Variants in INTS2 observed in about 807,000 individuals in gnomAD.
INTS2 encodes integrator complex subunit 2, also known as KIAA1287.
INTS2 carries 57 observed loss-of-function variants against 139.6 expected under a neutral mutation model. That is an observed-to-expected ratio of 0.41 (90% CI 0.33 to 0.51). The LOEUF is 0.51. Among genes scored for constraint, INTS2 ranks in the 20% least tolerant of loss-of-function variants. INTS2 has a pLI of 0.28. For synonymous variants in INTS2, 473 were observed against 493.4 expected (o/e 0.96, Z 0.55); for missense variants, 1,196 against 1,436.7 (o/e 0.83, Z 2.71).
intron 15 of INTS2, among the ~76,000 whole-genome samples, chr17:61,888,556 T>C (rs1347380114): frequency 3.3e-5 from 4 of 120,472 alleles, no homozygotes; most frequent in Admixed American, 9.7e-5. Context: ...TGTGCGTGTG[T>C]GTGCGTGCGT....
chr17:61,924,902 C>G, intron 3 of INTS2, 59 bp downstream of exon 3: 4 of 1,529,214 alleles, frequency 2.6e-6, no homozygotes, highest in Non-Finnish European at 3.6e-6. Flanking sequence ...TTCTGTCTAC[C>G]TCCCTATACA....
intron 12 of INTS2, chr17:61,894,279 A>C (rs1004790808): frequency 2.6e-5 from 4 of 154,216 alleles, no homozygotes; most frequent in African/African-American, 7.2e-5. Context: ...TTATGGGGGG[A>C]AAATATTCTT....
Position 61,869,609 on chromosome 17 carries a change from C to T in INTS2, c.3030+128G>A. The T allele has an allele frequency of 1.7e-6, 2 of 1,166,128 alleles. No individual in the cohort carries two copies. The highest frequency in any genetic ancestry group is 2.4e-6 in the Non-Finnish European group (2 of 827,614). The allele number at this position is 1,166,128 out of a possible 1,614,324, so 72.2% of individuals were successfully genotyped here. On this transcript the variant is annotated intron_variant, in intron 21 of 24. Coordinates refer to ENST00000251334, the MANE Select transcript of INTS2 (RefSeq NM_001351695.2). This position sits in a 1 kb window ranked among gnomAD's most constrained non-coding sequence, Gnocchi z 5.4. ...AACAACTAAAAATCTGGATTTTTCT[C>T]CATATTGCAAAAGCCCATGGATCAT... is the stretch of plus-strand genomic sequence containing the variant.
chr17:61,867,538 T>C lies in INTS2; in HGVS notation c.*19A>G. The C allele has an allele frequency of 6.5e-7, 1 of 1,539,372 alleles. No homozygotes were observed. The highest frequency in any genetic ancestry group is 8.9e-7 in the Non-Finnish European group (1 of 1,123,480). ...TGGGTATATGCAGCAAACAACTTTT[T>C]GTTGTTTTAAATTTTGTTTTAAATT... On this transcript the variant is annotated 3_prime_UTR_variant, in exon 25 of 25. Transcript: ENST00000251334. This position sits in a 1 kb window ranked among gnomAD's most constrained non-coding sequence, Gnocchi z 5.6.
At chr17:61,885,949 C>G (rs1045679288) in intron 15 of INTS2, among the ~76,000 whole-genome samples, 5 of 149,264 alleles carry the variant, frequency 3.3e-5, no homozygotes, top group Non-Finnish European at 7.4e-5. Context: ...AGGATGGTCT[C>G]GATCTCCTGA....
rs1291744650 is a variant in INTS2, at chr17:61,889,796, C to T, written c.1974G>A (p.Thr658=). Residue 658 remains threonine (T), a synonymous_variant, in exon 15 of 25, where the codon ACG becomes ACA. Coordinates refer to ENST00000251334, the MANE Select transcript of INTS2 (RefSeq NM_001351695.2). ...LSYEEALLAN[T]KTLAAMQRKP... ...CTACGTACAACTTACCTAAAGTCTT[C>T]GTGTTTGCTAGAAGAGCCTCTTCAT... The T allele has an allele frequency of 3.2e-6, 5 of 1,568,668 alleles. No individual in the cohort carries two copies. The highest frequency in any genetic ancestry group is 4.4e-6 in the Non-Finnish European group (5 of 1,140,822).
chr17:61,867,740 G>GA lies in INTS2; in HGVS notation c.3422-15dup, dbSNP rs750886254. The GA allele has an allele frequency of 2.5e-5, 39 of 1,568,142 alleles. No homozygotes were observed. Among genetic ancestry groups the GA allele is most frequent in the Admixed American group, 2.0e-4 (10 of 50,052 alleles). On this transcript the variant is annotated splice_polypyrimidine_tract_variant and intron_variant, in intron 24 of 24. Coordinates refer to ENST00000251334, the MANE Select transcript of INTS2 (RefSeq NM_001351695.2). This position sits in a 1 kb window ranked among gnomAD's most constrained non-coding sequence, Gnocchi z 5.6. ...TTTGTTGAAGACCTACAACATAAGG[G>GA]AAAAAAAACATTAAGGCCAAGAAAT...
rs2079080550 is a variant in INTS2, at chr17:61,870,531, G to A, written c.2779-543C>T. Among the ~76,000 whole-genome samples, 1 of 152,104 alleles carries A rather than the reference G, an allele frequency of 6.6e-6. No individual in the cohort carries two copies. Among genetic ancestry groups the A allele is most frequent in the East Asian group, 1.9e-4 (1 of 5,194 alleles). ...CTCATTGCTCAGTCTACAGGCTTGA[G>A]CATCATTGCACAGAGCAGTAGCTTG... On this transcript the variant is annotated intron_variant, in intron 20 of 24. Coordinates refer to ENST00000251334, the MANE Select transcript of INTS2 (RefSeq NM_001351695.2). The surrounding 1 kb of genome is among the most constrained non-coding windows in gnomAD (Gnocchi z 4.4).
At chr17:61,883,925 T>C (rs2079201284) in intron 16 of INTS2, among the ~76,000 whole-genome samples, 1 of 151,692 alleles carries the variant, frequency 6.6e-6, no homozygotes, top group African/African-American at 2.4e-5. Context: ...AGGAGGATGT[T>C]TGAGCCCAGG....
chr17:61,907,571 T>A lies in INTS2; in HGVS notation c.1018A>T (p.Met340Leu), dbSNP rs768017448. Residue 340 changes from methionine to leucine, a missense_variant, in exon 8 of 25, where the codon ATG becomes TTG. Met to Leu is a conservative substitution (Grantham distance 15). Coordinates refer to ENST00000251334, the MANE Select transcript of INTS2 (RefSeq NM_001351695.2). ...QMRRQLLLEL[M>L]GILPTVRSTR... is the part of the protein sequence containing the mutation. ...CTTCTTACTGTGGGAAGAATGCCCA[T>A]CAACTCCAGAAGAAGCTGCCTTCTC... The A allele has an allele frequency of 6.3e-7, 1 of 1,593,524 alleles. No homozygotes were observed. The highest frequency in any genetic ancestry group is 1.3e-5 in the African/African-American group (1 of 74,682).
Position 61,897,085 on chromosome 17 carries a change from G to T in INTS2, c.1494+384C>A, listed in dbSNP as rs1415817837. Among the ~76,000 whole-genome samples, 2 of 152,170 alleles carry T rather than the reference G, an allele frequency of 1.3e-5. No homozygotes were observed. Among genetic ancestry groups the T allele is most frequent in the South Asian group, 2.1e-4 (1 of 4,822 alleles). On this transcript the variant is annotated intron_variant, in intron 11 of 24. Coordinates refer to ENST00000251334, the MANE Select transcript of INTS2 (RefSeq NM_001351695.2). The surrounding 1 kb of genome is among the most constrained non-coding windows in gnomAD (Gnocchi z 4.4). ...ATCAAACAATGGACTATAAGACAATGCAGTCATTAAAAATTATACTGTATT... is the reference window on the plus strand; with the variant it reads ...ATCAAACAATGGACTATAAGACAATTCAGTCATTAAAAATTATACTGTATT...
chr17:61,880,963 T>C (rs1420367390), intron 17 of INTS2, 44 bp downstream of exon 17: 2 of 1,456,638 alleles, frequency 1.4e-6, no homozygotes, highest in African/African-American at 1.4e-5. Flanking sequence ...AGCATCTCCT[T>C]GTACTACAAA....
rs1445469584 is a variant in INTS2, at chr17:61,907,650, A to T, written c.955-16T>A. 9 of 1,551,754 alleles carry T rather than the reference A, an allele frequency of 5.8e-6. No homozygotes were observed. In the East Asian group the frequency reaches 2.1e-4, roughly 36 times the overall value. On this transcript the variant is annotated splice_polypyrimidine_tract_variant and intron_variant, in intron 7 of 24. Coordinates refer to ENST00000251334, the MANE Select transcript of INTS2 (RefSeq NM_001351695.2). ...CTCTTTTTCTCTGAAAGAAATATGG[A>T]TCACAAAAGGAAGAAAGCATGAAGC...
intron 11 of INTS2, among the ~76,000 whole-genome samples, chr17:61,895,980 G>C (rs924482111): frequency 6.6e-6 from 1 of 152,026 alleles, no homozygotes; most frequent in Non-Finnish European, 1.5e-5. Flanking sequence ...AGTGGTTCAC[G>C]CCTGTAATCC....
In INTS2 at chr17:61,927,801, G is replaced by A; in HGVS notation, c.-166C>T. 6.2e-7 allele frequency: 1 copy of A among 1,606,216 alleles called. No individual in the cohort carries two copies. Among genetic ancestry groups the A allele is most frequent in the Non-Finnish European group, 8.5e-7 (1 of 1,175,658 alleles). Reference sequence around the variant, plus strand: ...CCTAGTTGTGCCTCGAGTCGACTCGGACACCAAGAACTCAGACGCCGGGAC... The same window carrying A: ...CCTAGTTGTGCCTCGAGTCGACTCGAACACCAAGAACTCAGACGCCGGGAC... On this transcript the variant is annotated 5_prime_UTR_variant, in exon 1 of 25. Coordinates refer to ENST00000251334, the MANE Select transcript of INTS2 (RefSeq NM_001351695.2).
intron 4 of INTS2, chr17:61,921,158 A>C (rs1319542213): frequency 6.6e-6 from 1 of 152,218 alleles, no homozygotes; most frequent in Non-Finnish European, 1.5e-5. Context: ...AAAGGTACGA[A>C]GAAGAAAATT....
At position 61,870,176 on chromosome 17, in the gene INTS2, T is replaced by G. The variant is rs114824969; in HGVS notation, c.2779-188A>C. On this transcript the variant is annotated intron_variant, in intron 20 of 24. Coordinates refer to ENST00000251334, the MANE Select transcript of INTS2 (RefSeq NM_001351695.2). This position sits in a 1 kb window ranked among gnomAD's most constrained non-coding sequence, Gnocchi z 4.4. ...AGTGGTTCTCACCTTTTTAGGATTATGAACCCCTTAAGAATCTAAAGAAAA... is the reference window on the plus strand; with the variant it reads ...AGTGGTTCTCACCTTTTTAGGATTAGGAACCCCTTAAGAATCTAAAGAAAA... Among the ~76,000 whole-genome samples, 563 of 152,302 alleles carry G rather than the reference T, an allele frequency of 3.7e-3. 2 individuals carry two copies. The highest frequency in any genetic ancestry group is 0.012 in the African/African-American group (511 of 41,568).
chr17:61,895,507 T>C lies in INTS2; in HGVS notation c.1495-124A>G, dbSNP rs1176000870. On this transcript the variant is annotated intron_variant, in intron 11 of 24. Transcript: ENST00000251334. The stretch of plus-strand genomic sequence containing the variant: ...TCAAATGTTCAAGTACTCTACTCTG[T>C]TTTAGAAGTGCTTTCCCAAACCCAA... The C allele has an allele frequency of 2.9e-4, 151 of 526,858 alleles. 1 individual carries two copies. Among genetic ancestry groups the C allele is most frequent in the Non-Finnish European group, 7.6e-5 (23 of 304,240 alleles). 32.6% of individuals were successfully genotyped at this position (526,858 alleles called of 1,614,324 possible). A position where few individuals can be genotyped will look rare whatever the true frequency, so the allele number is the denominator to read the frequency against.
Position 61,869,124 on chromosome 17 carries a change from A to G in INTS2, c.3154T>C (p.Leu1052=), listed in dbSNP as rs1288095131. The G allele has an allele frequency of 1.0e-5, 16 of 1,606,676 alleles. No homozygotes were observed. Among genetic ancestry groups the G allele is most frequent in the Non-Finnish European group, 1.4e-5 (16 of 1,174,010 alleles). ...ELEKQIFAIQ[L]LSHLCIQYAL... is the part of the protein sequence containing the mutation. ...TATTGTATACACAAGTGAGAAAGCA[A>G]CTGGATAGCAAATATCTGCAATACA... is the stretch of plus-strand genomic sequence containing the variant. The change falls in exon 23 of 25, where the codon TTG becomes CTG. Residue 1052 remains leucine, a synonymous_variant. Coordinates refer to ENST00000251334, the MANE Select transcript of INTS2 (RefSeq NM_001351695.2). This position sits in a 1 kb window ranked among gnomAD's most constrained non-coding sequence, Gnocchi z 5.4.
Sources: allele counts gnomAD v4.1 joint callset (sites outside exome capture counted in the v4.1 genomes callset), GRCh38; gene constraint gnomAD v4.1.1; non-coding constraint Gnocchi (gnomAD v3.1); transcripts MANE v1.5; gene names NCBI Gene and HGNC (gene_info 2026-07-23, HGNC 2026-07-21).